The following RASA2 variants were observed in gnomAD, a reference collection of about 807,000 sequenced individuals.
The protein encoded by RASA2 is RAS p21 protein activator 2.
A neutral mutation model predicts 118.2 loss-of-function variants in RASA2; 155 were observed. The ratio of observed to expected loss-of-function variants is 1.31; its 90% CI spans 1.15 to 1.50. RASA2 has a LOEUF of 1.50. Among genes scored for constraint, RASA2 ranks in the 40% most tolerant of loss-of-function variants. RASA2 has a pLI of 0.00. For synonymous variants in RASA2, 353 were observed against 349.1 expected (o/e 1.01, Z -0.12); for missense variants, 1,016 against 1,009.6 (o/e 1.01, Z -0.09).
intron 5 of RASA2, among the ~76,000 whole-genome samples, chr3:141,549,854 G>T (rs1428938964): frequency 2.6e-5 from 4 of 151,852 alleles, no homozygotes; most frequent in African/African-American, 4.8e-5. Flanking sequence ...AAAAATAATG[G>T]GGATATGTAA....
intron 6 of RASA2, 97 bp from the exon 7 acceptor site, chr3:141,555,742 CT>C: frequency 1.0e-6 from 1 of 1,000,300 alleles, no homozygotes; most frequent in Non-Finnish European, 1.5e-6. Flanking sequence ...GTCACCTTAA[CT>C]TTTAAATGGA....
intron 5 of RASA2, among the ~76,000 whole-genome samples, chr3:141,546,377 C>T (rs573727033): frequency 4.6e-5 from 7 of 152,262 alleles, no homozygotes; most frequent in African/African-American, 1.7e-4. Flanking sequence ...GGATAAAAGC[C>T]ATTTTAACTG....
chr3:141,611,689 G>A (rs2083653859), intron 23 of RASA2, among the ~76,000 whole-genome samples: 1 of 152,096 alleles, frequency 6.6e-6, no homozygotes, highest in Admixed American at 6.6e-5. Context: ...TGAAAAATAT[G>A]TGAATTAATA....
chr3:141,549,510 T>C (rs1325309182), intron 5 of RASA2, among the ~76,000 whole-genome samples: 1 of 151,796 alleles, frequency 6.6e-6, no homozygotes, highest in African/African-American at 2.4e-5. Flanking sequence ...TGTGTGTGTG[T>C]GTGTTTGCAA....
At chr3:141,610,354 TTTATATA>T (rs1326247082) in intron 23 of RASA2, among the ~76,000 whole-genome samples, 5 of 126,116 alleles carry the variant, frequency 4.0e-5, no homozygotes, top group Admixed American at 2.9e-4. Context: ...TATATTTATA[TTTATATA>T]TTATATATTT....
rs763032001 is a variant in RASA2, at chr3:141,612,327, G to A, written c.*14G>A. The A allele has an allele frequency of 1.3e-6, 2 of 1,566,560 alleles. No individual in the cohort carries two copies. Among genetic ancestry groups the A allele is most frequent in the Non-Finnish European group, 1.7e-6 (2 of 1,148,286 alleles). On this transcript the variant is annotated 3_prime_UTR_variant, in exon 24 of 24. Coordinates refer to ENST00000286364, the MANE Select transcript of RASA2 (RefSeq NM_006506.5). Reference sequence around the variant, plus strand: ...AAAGCATCTTAGAGTTTAACAGATTGGTTCAGAAGAACTGGAAAATATTAT... The same window carrying A: ...AAAGCATCTTAGAGTTTAACAGATTAGTTCAGAAGAACTGGAAAATATTAT...
chr3:141,607,049 A>T (rs139604086), intron 19 of RASA2, among the ~76,000 whole-genome samples: 17 of 152,276 alleles, frequency 1.1e-4, no homozygotes, highest in Admixed American at 3.9e-4. Flanking sequence ...AGCAAATTCA[A>T]ATTTCCTTAA....
intron 19 of RASA2, among the ~76,000 whole-genome samples, chr3:141,604,004 G>GT (rs2083507794): frequency 6.6e-6 from 1 of 152,170 alleles, no homozygotes; most frequent in Admixed American, 6.5e-5. Flanking sequence ...CATTTAGGTT[G>GT]TTTTTGGTTT....
intron 2 of RASA2, among the ~76,000 whole-genome samples, chr3:141,514,526 C>T (rs2081995682): frequency 6.6e-6 from 1 of 152,078 alleles, no homozygotes; most frequent in African/African-American, 2.4e-5. Context: ...GTTACATTCA[C>T]TAGAATAGCT....
At chr3:141,550,757 T>C (rs1406587525) in intron 5 of RASA2, among the ~76,000 whole-genome samples, 1 of 152,228 alleles carries the variant, frequency 6.6e-6, no homozygotes, top group Non-Finnish European at 1.5e-5. Flanking sequence ...ACAGGGAGGC[T>C]GAGGCAGGAG....
intron 9 of RASA2, among the ~76,000 whole-genome samples, chr3:141,562,845 G>T (rs1217953962): frequency 6.6e-6 from 1 of 151,752 alleles, no homozygotes; most frequent in Non-Finnish European, 1.5e-5. Context: ...GCTAATTTTT[G>T]TATTTTTAGT....
At chr3:141,588,655 T>A (rs1283166781) in intron 19 of RASA2, among the ~76,000 whole-genome samples, 10 of 152,146 alleles carry the variant, frequency 6.6e-5, no homozygotes, top group Admixed American at 6.5e-4. Flanking sequence ...AATTTTTATT[T>A]CATAATTCTT....
At chr3:141,580,948 C>A in intron 16 of RASA2, 152 bp from the exon 17 acceptor site, 1 of 739,982 alleles carries the variant, frequency 1.4e-6, no homozygotes, top group Non-Finnish European at 1.9e-6. Flanking sequence ...CACATGACAG[C>A]TTTGAAAGAA....
chr3:141,512,831 C>T (rs555419027), intron 2 of RASA2, among the ~76,000 whole-genome samples: 231 of 152,080 alleles, frequency 1.5e-3, no homozygotes, highest in Non-Finnish European at 2.8e-3. Context: ...GGGAGGCAGA[C>T]GCGGGCAGAT....
chr3:141,556,658 CA>C (rs2082654468), intron 7 of RASA2, among the ~76,000 whole-genome samples: 1 of 151,828 alleles, frequency 6.6e-6, no homozygotes, highest in Non-Finnish European at 1.5e-5. Context: ...ATCAAACTCT[CA>C]AAAAGATTGT....
rs2083711106 is a variant in RASA2 at position 141,615,243 on chromosome 3, GTATTTT to G, written c.*2936_*2941del. On this transcript the variant is annotated 3_prime_UTR_variant, in exon 24 of 24. Coordinates refer to ENST00000286364, the MANE Select transcript of RASA2 (RefSeq NM_006506.5). The stretch of plus-strand genomic sequence containing the variant: ...GTAACCATGTTGTATTGTTGAGAAT[GTATTTT>G]TATTTAAATTTTATTTTCTTATCAA... The G allele has an allele frequency of 6.6e-6, 1 of 152,034 alleles. No individual in the cohort carries two copies. Among genetic ancestry groups the G allele is most frequent in the Non-Finnish European group, 1.5e-5 (1 of 68,008 alleles). 9.4% of individuals were successfully genotyped at this position (152,034 alleles called of 1,614,324 possible). A position where few individuals can be genotyped will look rare whatever the true frequency, so the allele number is the denominator to read the frequency against.
chr3:141,611,225 A>C (rs2083646915), intron 23 of RASA2, among the ~76,000 whole-genome samples: 1 of 152,178 alleles, frequency 6.6e-6, no homozygotes, highest in South Asian at 2.1e-4. Flanking sequence ...AACACCTGCC[A>C]CTCAGCCAAC....
At chr3:141,586,184 A>T in intron 18 of RASA2, 86 bp downstream of exon 18, 1 of 1,284,128 alleles carries the variant, frequency 7.8e-7, no homozygotes, top group Non-Finnish European at 1.1e-6. Context: ...GAGTGAGGAG[A>T]TCTGGCTTTG....
At chr3:141,540,050 C>G (rs904261876) in intron 4 of RASA2, among the ~76,000 whole-genome samples, 1 of 152,090 alleles carries the variant, frequency 6.6e-6, no homozygotes, top group Admixed American at 6.6e-5. Flanking sequence ...TTCCATAAAT[C>G]TTTATTGTTT....
Sources: allele counts gnomAD v4.1 joint callset (sites outside exome capture counted in the v4.1 genomes callset), GRCh38; gene constraint gnomAD v4.1.1; transcripts MANE v1.5; gene names NCBI Gene and HGNC (gene_info 2026-07-23, HGNC 2026-07-21).